The following BFSP2 variants were observed in gnomAD, a reference collection of about 807,000 sequenced individuals.
BFSP2 encodes phakinin.
In BFSP2, 38 loss-of-function variants were observed where a neutral mutation model predicts 44.9. The observed-to-expected ratio is 0.85, with a 90% confidence interval of 0.65 to 1.11. The LOEUF is 1.11. BFSP2 is among the 50% of genes least tolerant of loss of function. The probability of loss-of-function intolerance (pLI) is 0.00; values close to 1 mark genes in which losing one functional copy is unlikely to be tolerated. For missense variants in BFSP2, 525 were observed against 533.0 expected, an observed-to-expected ratio of 0.99 and a Z score of 0.15; for synonymous variants, 197 against 209.9, an observed-to-expected ratio of 0.94 and a Z score of 0.53.
intron 4 of BFSP2, among the ~76,000 whole-genome samples, chr3:133,452,286 A>T (rs2073972574): frequency 1.3e-5 from 2 of 152,134 alleles, no homozygotes; most frequent in African/African-American, 4.8e-5. Context: ...TCAATTCTGG[A>T]TTCCCAAAAT....
intron 1 of BFSP2, among the ~76,000 whole-genome samples, chr3:133,431,140 G>A (rs202225312): frequency 0.063 from 9,606 of 152,062 alleles, 821 homozygotes; most frequent in African/African-American, 0.2. Flanking sequence ...TCAAAAGGCC[G>A]TCTTATTCTC....
chr3:133,427,987 C>T (rs2073669297), intron 1 of BFSP2, among the ~76,000 whole-genome samples: 1 of 152,146 alleles, frequency 6.6e-6, no homozygotes, highest in Non-Finnish European at 1.5e-5. Flanking sequence ...GAAACTGATA[C>T]ACAGCACCAG....
At chr3:133,414,643 C>T (rs544566984) in intron 1 of BFSP2, among the ~76,000 whole-genome samples, 28 of 132,144 alleles carry the variant, frequency 2.1e-4, no homozygotes, top group African/African-American at 8.4e-4. Flanking sequence ...CACCCCTCTA[C>T]TCACCGCTGT....
intron 1 of BFSP2, among the ~76,000 whole-genome samples, chr3:133,432,935 C>T (rs529628906): frequency 4.6e-5 from 7 of 152,336 alleles, no homozygotes; most frequent in South Asian, 2.1e-4. Context: ...CCGCGTGCAG[C>T]GGCTGCCGCT....
chr3:133,467,649 G>A (rs1403301780), intron 5 of BFSP2, among the ~76,000 whole-genome samples: 1 of 152,058 alleles, frequency 6.6e-6, no homozygotes, highest in East Asian at 1.9e-4. Context: ...ATAATAAAAT[G>A]TATTAATAAT....
chr3:133,458,075 A>G (rs1430090937), intron 4 of BFSP2, among the ~76,000 whole-genome samples: 5 of 152,238 alleles, frequency 3.3e-5, no homozygotes, highest in African/African-American at 4.8e-5. Flanking sequence ...ATTGCTCTCT[A>G]CAAAGATTAT....
chr3:133,473,614 A>G (rs994062262), intron 6 of BFSP2, among the ~76,000 whole-genome samples: 2 of 151,208 alleles, frequency 1.3e-5, no homozygotes, highest in Non-Finnish European at 2.9e-5. Flanking sequence ...GGCCTTCCGC[A>G]GTGTTTGTGT....
At chr3:133,454,960 G>T (rs2107930646) in intron 4 of BFSP2, among the ~76,000 whole-genome samples, 1 of 152,188 alleles carries the variant, frequency 6.6e-6, no homozygotes, top group East Asian at 1.9e-4. Flanking sequence ...CCTACACAGG[G>T]TCAGGATCGT....
chr3:133,434,336 A>G (rs1243011138), intron 1 of BFSP2, among the ~76,000 whole-genome samples: 1 of 151,916 alleles, frequency 6.6e-6, no homozygotes, highest in South Asian at 2.1e-4. Flanking sequence ...CATCCCCACA[A>G]TATCACCCCT....
At chr3:133,406,019 C>T (rs1366395776) in intron 1 of BFSP2, among the ~76,000 whole-genome samples, 1 of 152,138 alleles carries the variant, frequency 6.6e-6, no homozygotes, top group Non-Finnish European at 1.5e-5. Context: ...GGCGCAATCT[C>T]GGCTCACTGC....
intron 1 of BFSP2, among the ~76,000 whole-genome samples, chr3:133,421,622 C>T (rs770912019): frequency 6.6e-6 from 1 of 152,220 alleles, no homozygotes; most frequent in Non-Finnish European, 1.5e-5. Context: ...TACTGGGGGT[C>T]AGGACTGCAA....
chr3:133,422,105 C>A (rs1248848276), intron 1 of BFSP2, among the ~76,000 whole-genome samples: 235 of 84,044 alleles, frequency 2.8e-3, no homozygotes, highest in East Asian at 5.3e-3. Flanking sequence ...GACTCCATCT[C>A]AAAAAAAAAA....
At chr3:133,458,693 C>T (rs1279109381) in intron 4 of BFSP2, among the ~76,000 whole-genome samples, 1 of 152,054 alleles carries the variant, frequency 6.6e-6, no homozygotes, top group East Asian at 1.9e-4. Context: ...GAGACTTTGT[C>T]TCAAAAAAAC....
At chr3:133,454,687 G>T (rs1210855964) in intron 4 of BFSP2, among the ~76,000 whole-genome samples, 2 of 152,150 alleles carry the variant, frequency 1.3e-5, no homozygotes, top group African/African-American at 4.8e-5. Context: ...TATTATAAAG[G>T]ATACAATTCA....
chr3:133,429,022 T>TA (rs11438374), intron 1 of BFSP2, among the ~76,000 whole-genome samples: 88,863 of 151,820 alleles, frequency 0.59, 27,027 homozygotes, highest in East Asian at 0.81. Flanking sequence ...TGTTATTTGT[T>TA]AAAAAACCTT....
At chr3:133,439,928 CAG>C (rs113298744) in intron 1 of BFSP2, among the ~76,000 whole-genome samples, 21 of 150,260 alleles carry the variant, frequency 1.4e-4, no homozygotes, top group Non-Finnish European at 1.6e-4. Flanking sequence ...CAGAGACAGA[CAG>C]AGAGAGAGAG....
intron 1 of BFSP2, among the ~76,000 whole-genome samples, chr3:133,431,390 C>A (rs1273263585): frequency 1.3e-5 from 2 of 152,168 alleles, no homozygotes; most frequent in Non-Finnish European, 2.9e-5. Flanking sequence ...ACCTCCTCCC[C>A]CAGGAGCTTG....
intron 1 of BFSP2, among the ~76,000 whole-genome samples, chr3:133,417,587 A>C (rs1373813542): frequency 3.6e-3 from 217 of 59,942 alleles, no homozygotes; most frequent in Admixed American, 4.3e-3. Context: ...CACCCCTGCC[A>C]TCTCCCCTCT....
intron 4 of BFSP2, among the ~76,000 whole-genome samples, chr3:133,453,700 A>G (rs535780374): frequency 6.6e-6 from 1 of 152,308 alleles, no homozygotes; most frequent in East Asian, 1.9e-4. Flanking sequence ...GGCTTCAGAG[A>G]AACTCTCAGG....
Sources: allele counts gnomAD v4.1 joint callset (sites outside exome capture counted in the v4.1 genomes callset), GRCh38; gene constraint gnomAD v4.1.1; transcripts MANE v1.5; gene names NCBI Gene and HGNC (gene_info 2026-07-23, HGNC 2026-07-21).